The following PAQR4 variants were observed in gnomAD, a reference collection of about 807,000 sequenced individuals.
PAQR4 encodes progestin and adipoQ receptor family member 4.
Under a neutral mutation model 20.9 loss-of-function variants are expected in PAQR4, and 26 were observed. The ratio of observed to expected loss-of-function variants is 1.24; its 90% CI spans 0.91 to 1.73. PAQR4 has a LOEUF of 1.73. Ranked by LOEUF, PAQR4 falls within the 40% of genes most tolerant of loss-of-function variation. PAQR4 has a pLI of 0.00. For synonymous variants in PAQR4, 193 were observed against 171.6 expected, an observed-to-expected ratio of 1.12 and a Z score of -0.97; for missense variants, 400 against 380.1, an observed-to-expected ratio of 1.05 and a Z score of -0.44.
chr16:2,971,426 G>C (rs558828016), intron 2 of PAQR4, 48 bp downstream of exon 2: 5 of 1,589,668 alleles, frequency 3.1e-6, no homozygotes. Flanking sequence ...GGCGGGAGAG[G>C]CATGGGGCAC....
At position 2,969,746 on chromosome 16, in the gene PAQR4, C is replaced by A; in HGVS notation, c.72C>A (p.Phe24Leu). The part of the protein sequence containing the change: ...SSPPHLQFNK[F>L]VLTGYRPASS... Reference sequence around the variant, plus strand: ...CGCCGCACCTGCAGTTCAATAAGTTCGTGCTGACCGGGTACCGGCCCGCCA... The same window carrying A: ...CGCCGCACCTGCAGTTCAATAAGTTAGTGCTGACCGGGTACCGGCCCGCCA... The change falls in exon 1 of 3, where the codon TTC becomes TTA. Residue 24 changes from phenylalanine (F) to leucine (L), a missense_variant. By Grantham distance (22) the Phe-to-Leu change is conservative (BLOSUM62 0). Coordinates refer to ENST00000318782, the MANE Select transcript of PAQR4 (RefSeq NM_152341.5). 2 of 1,610,398 alleles carry A rather than the reference C, an allele frequency of 1.2e-6. No individual in the cohort carries two copies. Among genetic ancestry groups the A allele is most frequent in the South Asian group, 2.2e-5 (2 of 90,994 alleles).
At position 2,971,988 on chromosome 16, in the gene PAQR4, A is replaced by C. The variant is rs1254779721; in HGVS notation, c.*40A>C. On this transcript the variant is annotated 3_prime_UTR_variant, in exon 3 of 3. Coordinates refer to ENST00000318782, the MANE Select transcript of PAQR4 (RefSeq NM_152341.5). ...CTGCCCACAGCAGCCTCCTAGAGTT[A>C]GCAACACCAGGTGTTCCTCCCAACT... The C allele has an allele frequency of 2.0e-6, 3 of 1,508,434 alleles. No individual in the cohort carries two copies. The highest frequency in any genetic ancestry group is 2.6e-6 in the Non-Finnish European group (3 of 1,132,524). 93.4% of individuals were successfully genotyped at this position (1,508,434 alleles called of 1,614,324 possible).
intron 2 of PAQR4, 22 bp from the exon 3 acceptor site, chr16:2,971,493 C>G (rs376308940): frequency 1.1e-5 from 18 of 1,577,264 alleles, no homozygotes; most frequent in Admixed American, 1.7e-5. Flanking sequence ...CATGCCCTCT[C>G]CTGTTCTCTC....
rs1283236952 is a variant in PAQR4 at position 2,972,137 on chromosome 16, T to C, written c.*189T>C. The stretch of plus-strand genomic sequence containing the variant: ...CCCACGCCGTGGCGCTCCAACTTCC[T>C]TCCCTGCCTTTTCCCTCCAAGCTCC... On this transcript the variant is annotated 3_prime_UTR_variant, in exon 3 of 3. Coordinates refer to ENST00000318782, the MANE Select transcript of PAQR4 (RefSeq NM_152341.5). 3 of 601,212 alleles carry C rather than the reference T, an allele frequency of 5.0e-6. No homozygotes were observed. Among genetic ancestry groups the C allele is most frequent in the Non-Finnish European group, 8.5e-6 (3 of 352,768 alleles). 37.2% of individuals were successfully genotyped at this position (601,212 alleles called of 1,614,324 possible).
chr16:2,971,915 C>G lies in PAQR4; in HGVS notation c.789C>G (p.Leu263=). ...ACGCCGGCGTCGTGCCCGACCTGCTCTGGGCTGCCCACCACGCCTGTCCCC... is the reference window on the plus strand; with the variant it reads ...ACGCCGGCGTCGTGCCCGACCTGCTGTGGGCTGCCCACCACGCCTGTCCCC... ...QLHAGVVPDL[L]WAAHHACPRD The change falls in exon 3 of 3, where the codon CTC becomes CTG. Residue 263 remains leucine, a synonymous_variant. Transcript: ENST00000318782. The G allele has an allele frequency of 6.2e-7, 1 of 1,601,476 alleles. No homozygotes were observed. Among genetic ancestry groups the G allele is most frequent in the African/African-American group, 1.3e-5 (1 of 75,002 alleles).
intron 1 of PAQR4, chr16:2,970,073 C>T: frequency 1.8e-6 from 1 of 555,248 alleles, no homozygotes. Flanking sequence ...AGGGTCTGAG[C>T]CTGCTTAATC....
In PAQR4 at chr16:2,971,869, T is replaced by G; in HGVS notation, c.743T>G (p.Val248Gly). The change falls in exon 3 of 3, where the codon GTG becomes GGG. Residue 248 changes from valine (V) to glycine (G), a missense_variant. Transcript: ENST00000318782. Reference sequence around the variant, plus strand: ...CACCAGATCATGCACCTGCTGAGCGTGGGCTCCATCCTGCAGCTGCACGCC... The same window carrying G: ...CACCAGATCATGCACCTGCTGAGCGGGGGCTCCATCCTGCAGCTGCACGCC... ...NSHQIMHLLS[V>G]GSILQLHAGV... 1 of 1,611,762 alleles carries G rather than the reference T, an allele frequency of 6.2e-7. No individual in the cohort carries two copies. The highest frequency in any genetic ancestry group is 8.5e-7 in the Non-Finnish European group (1 of 1,179,874).
In PAQR4 at chr16:2,969,560, T is replaced by G; in HGVS notation, c.-115T>G. 1.2e-5 allele frequency: 15 copies of G among 1,200,582 alleles called. No individual in the cohort carries two copies. The highest frequency in any genetic ancestry group is 3.0e-4 in the Middle Eastern group (1 of 3,294). 74.4% of individuals were successfully genotyped at this position (1,200,582 alleles called of 1,614,324 possible). On this transcript the variant is annotated 5_prime_UTR_variant, in exon 1 of 3. An upstream start codon of the reference 5' UTR is lost. Transcript: ENST00000318782. Reference sequence around the variant, plus strand: ...CGTGCGCCGATCGAGCGCAGGGCGATGGGTGGGCGCCGGGCGCCGGGCGCC... The same window carrying G: ...CGTGCGCCGATCGAGCGCAGGGCGAGGGGTGGGCGCCGGGCGCCGGGCGCC...
rs903569810 is a variant in PAQR4, at chr16:2,972,893, C to T, written c.*945C>T. ...GGAGTTCCCGAGGGGCCCCAGCTTT[C>T]AAGGGCGACGGGAGAGACACAGGAT... On this transcript the variant is annotated 3_prime_UTR_variant, in exon 3 of 3. Transcript: ENST00000318782. 1.3e-6 allele frequency: 2 copies of T among 1,548,736 alleles called. No individual in the cohort carries two copies. The highest frequency in any genetic ancestry group is 3.9e-5 in the Admixed American group (2 of 50,654).
At position 2,971,528 on chromosome 16, in the gene PAQR4, C is replaced by T. The variant is rs777390479; in HGVS notation, c.402C>T (p.Ile134=). ...CCTCTTGTGCAGGGGCCCTGCCCAT[C>T]ATCCACTGCACCCTGGCCTGCAGGC... ...CLVNTLGALP[I]IHCTLACRPW... Residue 134 remains isoleucine (I), a synonymous_variant, in exon 3 of 3, where the codon ATC becomes ATT. Coordinates refer to ENST00000318782, the MANE Select transcript of PAQR4 (RefSeq NM_152341.5). 18 of 1,586,832 alleles carry T rather than the reference C, an allele frequency of 1.1e-5. No individual in the cohort carries two copies. Among genetic ancestry groups the T allele is most frequent in the Non-Finnish European group, 1.5e-5 (17 of 1,171,290 alleles).
chr16:2,971,799 C>A lies in PAQR4; in HGVS notation c.673C>A (p.Pro225Thr), dbSNP rs2072002165. 1 of 1,612,766 alleles carries A rather than the reference C, an allele frequency of 6.2e-7. No homozygotes were observed. Among genetic ancestry groups the A allele is most frequent in the South Asian group, 1.1e-5 (1 of 91,094 alleles). ...GGGACTGGTAAATGTAGCCCGTCTG[C>A]CCGAGCGCTGGGGACCTGGCCGCTT... The part of the protein sequence containing the change: ...LGGLVNVARL[P>T]ERWGPGRFDY... The change falls in exon 3 of 3, where the codon CCC becomes ACC. Residue 225 changes from proline to threonine, a missense_variant. Pro to Thr is a conservative substitution (Grantham distance 38). Transcript: ENST00000318782.
In PAQR4 at chr16:2,972,071, G is replaced by A; in HGVS notation, c.*123G>A. The A allele has an allele frequency of 9.7e-7, 1 of 1,026,794 alleles. No homozygotes were observed. The highest frequency in any genetic ancestry group is 2.9e-5 in the Admixed American group (1 of 34,844). The allele number at this position is 1,026,794 out of a possible 1,614,324, so 63.6% of individuals were successfully genotyped here. On this transcript the variant is annotated 3_prime_UTR_variant, in exon 3 of 3. Transcript: ENST00000318782. The stretch of plus-strand genomic sequence containing the variant: ...CAGCTCATGAGATGTCTCAGCAGGA[G>A]CCCTGTTCACCCGTTCTTCCCTGTG...
chr16:2,969,696 C>T lies in PAQR4; in HGVS notation c.22C>T (p.Arg8Cys). The T allele has an allele frequency of 1.3e-6, 2 of 1,584,714 alleles. No homozygotes were observed. Among genetic ancestry groups the T allele is most frequent in the Non-Finnish European group, 1.7e-6 (2 of 1,167,668 alleles). MAFLAGPRLLDWASSPPH... is the reference protein window; with the variant it reads MAFLAGPCLLDWASSPPH... ...GACCATGGCGTTCCTGGCCGGGCCG[C>T]GCCTGCTGGACTGGGCCAGCTCGCC... Residue 8 changes from arginine (R) to cysteine (C), a missense_variant, in exon 1 of 3, where the codon CGC becomes TGC. Physicochemically the swap from Arg to Cys is radical, Grantham distance 180 (BLOSUM62 -3). Transcript: ENST00000318782.
rs2071918242 is a variant in PAQR4, at chr16:2,969,440, T to A, written c.-235T>A. The A allele has an allele frequency of 4.1e-6, 1 of 244,014 alleles. No individual in the cohort carries two copies. The highest frequency in any genetic ancestry group is 7.6e-6 in the Non-Finnish European group (1 of 131,588). The allele number at this position is 244,014 out of a possible 1,614,324, so 15.1% of individuals were successfully genotyped here. A position where few individuals can be genotyped will look rare whatever the true frequency, so the allele number is the denominator to read the frequency against. ...GAGCCGACCGCAGTGCGCTCAGGCG[T>A]CCGGTGCGTCCCCAGCCTCCGCCCC... On this transcript the variant is annotated 5_prime_UTR_variant, in exon 1 of 3. Transcript: ENST00000318782.
intron 1 of PAQR4, among the ~76,000 whole-genome samples, chr16:2,970,426 C>A (rs1357117504): frequency 6.6e-6 from 1 of 152,246 alleles, no homozygotes. Flanking sequence ...CGAGCTTTTG[C>A]CAGGCCACAT....
rs1324488084 is a variant in PAQR4, at chr16:2,973,389, A to G, written c.*1441A>G. The G allele has an allele frequency of 6.5e-7, 1 of 1,538,194 alleles. No individual in the cohort carries two copies. The highest frequency in any genetic ancestry group is 1.2e-5 in the South Asian group (1 of 83,200). On this transcript the variant is annotated 3_prime_UTR_variant, in exon 3 of 3. Coordinates refer to ENST00000318782, the MANE Select transcript of PAQR4 (RefSeq NM_152341.5). Reference sequence around the variant, plus strand: ...AAAGCAGCACTTGGACAGCCTTCAAAGTCCTTCCATCTGGCTGCACTCCAA... The same window carrying G: ...AAAGCAGCACTTGGACAGCCTTCAAGGTCCTTCCATCTGGCTGCACTCCAA...
In PAQR4 at chr16:2,973,213, G is replaced by A. The variant is rs761516736; in HGVS notation, c.*1265G>A. On this transcript the variant is annotated 3_prime_UTR_variant, in exon 3 of 3. Coordinates refer to ENST00000318782, the MANE Select transcript of PAQR4 (RefSeq NM_152341.5). ...CAGGACAGCCTCAGGGGAGAGTGAA[G>A]GCCTGCAGGAGGGCAGGCGAGACAA... is the stretch of plus-strand genomic sequence containing the variant. 9 of 1,500,764 alleles carry A rather than the reference G, an allele frequency of 6.0e-6. No individual in the cohort carries two copies. Among genetic ancestry groups the A allele is most frequent in the Non-Finnish European group, 7.1e-6 (8 of 1,121,804 alleles). The allele number at this position is 1,500,764 out of a possible 1,614,324, so 93.0% of individuals were successfully genotyped here.
In PAQR4 at chr16:2,971,588, T is replaced by G. The variant is rs1047519904; in HGVS notation, c.462T>G (p.Thr154=). 3 of 1,601,368 alleles carry G rather than the reference T, an allele frequency of 1.9e-6. No homozygotes were observed. Among genetic ancestry groups the G allele is most frequent in the Non-Finnish European group, 2.5e-6 (3 of 1,179,610 alleles). The part of the protein sequence containing the change: ...WLRPAALVGY[T]VLSGVAGWRA... The stretch of plus-strand genomic sequence containing the variant: ...GCCCGGCTGCCCTGGTGGGCTACAC[T>G]GTGTTGTCGGGTGTGGCCGGCTGGC... The change falls in exon 3 of 3, where the codon ACT becomes ACG. Residue 154 remains threonine, a synonymous_variant. Coordinates refer to ENST00000318782, the MANE Select transcript of PAQR4 (RefSeq NM_152341.5).
Position 2,971,871 on chromosome 16 carries a change from G to A in PAQR4, c.745G>A (p.Gly249Ser). ...SHQIMHLLSVGSILQLHAGVV... is the reference protein window; with the variant it reads ...SHQIMHLLSVSSILQLHAGVV... ...CCAGATCATGCACCTGCTGAGCGTG[G>A]GCTCCATCCTGCAGCTGCACGCCGG... is the stretch of plus-strand genomic sequence containing the variant. Residue 249 changes from glycine to serine, a missense_variant, in exon 3 of 3, where the codon GGC becomes AGC. Transcript: ENST00000318782. 4.3e-6 allele frequency: 7 copies of A among 1,611,628 alleles called. No homozygotes were observed. The highest frequency in any genetic ancestry group is 5.9e-6 in the Non-Finnish European group (7 of 1,179,858).
Sources: gnomAD v4.1 joint callset for allele counts (sites outside exome capture counted in the v4.1 genomes callset) on GRCh38, gnomAD v4.1.1 for gene constraint, MANE v1.5 for transcripts, NCBI Gene and HGNC (gene_info 2026-07-23, HGNC 2026-07-21) for gene names.